The following HTR1F variants were observed in gnomAD, a reference collection of about 807,000 sequenced individuals.
HTR1F encodes 5-hydroxytryptamine (serotonin) receptor 1F, G protein-coupled.
A neutral mutation model predicts 24.0 loss-of-function variants in HTR1F; 17 were observed. The observed-to-expected ratio is 0.71, with a 90% CI of 0.48 to 1.06. The LOEUF is 1.06. Ranked by LOEUF, HTR1F falls within the 50% of genes least tolerant of loss-of-function variation. The pLI is 0.00. For missense variants in HTR1F, 391 were observed against 427.8 expected (o/e 0.91, Z 0.76); for synonymous variants, 186 against 156.8 (o/e 1.19, Z -1.39).
intron 2 of HTR1F, among the ~76,000 whole-genome samples, chr3:87,860,838 G>A (rs1266018684): frequency 6.6e-6 from 1 of 152,132 alleles, no homozygotes; most frequent in East Asian, 1.9e-4. Flanking sequence ...GAATGCCAAA[G>A]TGACTTACTT....
intron 2 of HTR1F, among the ~76,000 whole-genome samples, chr3:87,938,481 G>A (rs1704482199): frequency 6.6e-6 from 1 of 152,072 alleles, no homozygotes; most frequent in African/African-American, 2.4e-5. Context: ...TAATAGCCAA[G>A]AGAATCCTAA....
chr3:87,867,203 G>A (rs17025109), intron 2 of HTR1F, among the ~76,000 whole-genome samples: 12,622 of 151,788 alleles, frequency 0.083, 1,684 homozygotes, highest in African/African-American at 0.28. Context: ...CACTTTTTGT[G>A]TGAGTCAGTG....
At chr3:87,947,139 T>A (rs2107454533) in intron 2 of HTR1F, among the ~76,000 whole-genome samples, 1 of 152,328 alleles carries the variant, frequency 6.6e-6, no homozygotes, top group East Asian at 1.9e-4. Context: ...CTCAGCAATT[T>A]GTAGTGTTTT....
chr3:87,854,268 T>A (rs998862377), intron 2 of HTR1F, among the ~76,000 whole-genome samples: 1 of 152,034 alleles, frequency 6.6e-6, no homozygotes, highest in African/African-American at 2.4e-5. Flanking sequence ...TTTTTTTATA[T>A]TTTTGATTTT....
chr3:87,876,882 T>C (rs1575975645), intron 2 of HTR1F, among the ~76,000 whole-genome samples: 1 of 152,156 alleles, frequency 6.6e-6, no homozygotes, highest in African/African-American at 2.4e-5. Context: ...ATAAAGTTCA[T>C]ATATATAAAA....
At chr3:87,815,944 C>T (rs185962380) in intron 1 of HTR1F, among the ~76,000 whole-genome samples, 69 of 152,176 alleles carry the variant, frequency 4.5e-4, no homozygotes, top group Non-Finnish European at 4.9e-4. Flanking sequence ...TTATTCAATG[C>T]AAGTTTTCAT....
At chr3:87,817,563 G>T (rs919613202) in intron 1 of HTR1F, among the ~76,000 whole-genome samples, 1 of 152,082 alleles carries the variant, frequency 6.6e-6, no homozygotes, top group Non-Finnish European at 1.5e-5. Flanking sequence ...TACTACACTT[G>T]TTGCATTACC....
intron 1 of HTR1F, among the ~76,000 whole-genome samples, chr3:87,802,944 C>CT (rs1704018022): frequency 6.6e-6 from 1 of 152,128 alleles, no homozygotes; most frequent in Non-Finnish European, 1.5e-5. Flanking sequence ...TTAGCAGGTT[C>CT]TTTAGAATCT....
intron 2 of HTR1F, among the ~76,000 whole-genome samples, chr3:87,960,875 C>T (rs1158118570): frequency 6.6e-6 from 1 of 151,954 alleles, no homozygotes; most frequent in African/African-American, 2.4e-5. Context: ...GACTATCATG[C>T]TACTTTACTC....
intron 2 of HTR1F, among the ~76,000 whole-genome samples, chr3:87,920,928 C>G (rs1704000267): frequency 6.6e-6 from 1 of 152,050 alleles, no homozygotes; most frequent in Admixed American, 6.6e-5. Context: ...ACTATGTCCT[C>G]TTGCTTCTCC....
rs185205998 is a variant in HTR1F at position 87,941,992 on chromosome 3, G to T, written c.-42-48716G>T. 1.9e-3 allele frequency among the ~76,000 whole-genome samples: 295 copies of T among 152,170 alleles called. 2 individuals are homozygous for T. The highest frequency in any genetic ancestry group is 7.1e-3 in the South Asian group (34 of 4,810). On this transcript the variant is annotated intron_variant, in intron 2 of 2. Coordinates refer to ENST00000319595, the MANE Select transcript of HTR1F (RefSeq NM_001322209.2). ...CTTGTTGGGCCTCGGGTCTAAGGGGGTACTGCCTTTGGTAGGGAAAGGAGG... is the reference window on the plus strand; with the variant it reads ...CTTGTTGGGCCTCGGGTCTAAGGGGTTACTGCCTTTGGTAGGGAAAGGAGG...
chr3:87,883,882 A>G (rs941017857), intron 2 of HTR1F, among the ~76,000 whole-genome samples: 14 of 152,224 alleles, frequency 9.2e-5, no homozygotes, highest in Non-Finnish European at 1.8e-4. Context: ...TGCACCTGAA[A>G]GTGATGGGGA....
At chr3:87,819,611 T>C (rs766566125) in intron 1 of HTR1F, among the ~76,000 whole-genome samples, 71 of 152,236 alleles carry the variant, frequency 4.7e-4, no homozygotes, top group Non-Finnish European at 9.6e-4. Flanking sequence ...CATTCATACA[T>C]ATGCTGAAAT....
intron 2 of HTR1F, among the ~76,000 whole-genome samples, chr3:87,933,563 G>T (rs143652543): frequency 2.0e-5 from 3 of 151,986 alleles, no homozygotes; most frequent in Admixed American, 1.3e-4. Context: ...ACCAATAACA[G>T]ACAAACAGAG....
intron 2 of HTR1F, among the ~76,000 whole-genome samples, chr3:87,909,954 C>T (rs1020500800): frequency 1.2e-4 from 18 of 152,040 alleles, no homozygotes; most frequent in South Asian, 6.2e-4. Flanking sequence ...ACATATTAAC[C>T]GATTAACAGA....
chr3:87,933,259 C>A (rs1268897008), intron 2 of HTR1F, among the ~76,000 whole-genome samples: 2 of 151,240 alleles, frequency 1.3e-5, no homozygotes, highest in South Asian at 2.1e-4. Flanking sequence ...ACTGAATGGG[C>A]AAAAACTGGA....
At chr3:87,981,662 T>C (rs1231283903) in intron 2 of HTR1F, among the ~76,000 whole-genome samples, 1 of 152,196 alleles carries the variant, frequency 6.6e-6, no homozygotes, top group Non-Finnish European at 1.5e-5. Context: ...TCTCTTTAGG[T>C]TTCAGCAACA....
At chr3:87,816,152 G>A (rs972829479) in intron 1 of HTR1F, among the ~76,000 whole-genome samples, 2 of 151,918 alleles carry the variant, frequency 1.3e-5, no homozygotes, top group African/African-American at 2.4e-5. Flanking sequence ...CACTCTCTTC[G>A]GAGTGTTCTT....
At chr3:87,934,751 G>A (rs945205380) in intron 2 of HTR1F, among the ~76,000 whole-genome samples, 3 of 152,166 alleles carry the variant, frequency 2.0e-5, no homozygotes, top group Non-Finnish European at 2.9e-5. Context: ...TGTATCTCTT[G>A]TAATCTTCAC....
Sources: allele counts gnomAD v4.1 joint callset (sites outside exome capture counted in the v4.1 genomes callset), GRCh38; gene constraint gnomAD v4.1.1; transcripts MANE v1.5; gene names NCBI Gene and HGNC (gene_info 2026-07-23, HGNC 2026-07-21).